The following CFAP299 variants were observed in gnomAD, a reference collection of about 807,000 sequenced individuals.
CFAP299 encodes the protein cilia and flagella associated protein 299, also known as cilia- and flagella-associated protein 299.
Under a neutral mutation model 27.0 loss-of-function variants are expected in CFAP299, and 21 were observed. That is an observed-to-expected ratio of 0.78 (90% CI 0.55 to 1.12). The LOEUF (loss-of-function observed/expected upper bound fraction) is 1.12, where lower values mean the gene tolerates loss of function less well. Among genes scored for constraint, CFAP299 ranks in the 50% most tolerant of loss-of-function variants. The pLI is 0.00. For missense variants in CFAP299, 310 were observed against 276.6 expected, an observed-to-expected ratio of 1.12 and a Z score of -0.86; for synonymous variants, 104 against 98.1, an observed-to-expected ratio of 1.06 and a Z score of -0.36.
At chr4:80,353,550 T>G (rs1723112309) in intron 1 of CFAP299, among the ~76,000 whole-genome samples, 2 of 152,238 alleles carry the variant, frequency 1.3e-5, no homozygotes. Flanking sequence ...AAGATGGCAT[T>G]TGAGTATGCC....
At chr4:80,811,694 C>A (rs1729161747) in intron 3 of CFAP299, among the ~76,000 whole-genome samples, 1 of 152,066 alleles carries the variant, frequency 6.6e-6, no homozygotes, top group Admixed American at 6.6e-5. Flanking sequence ...TGAGAAGCTG[C>A]ATTGCTGGAG....
intron 3 of CFAP299, among the ~76,000 whole-genome samples, chr4:80,584,876 G>A (rs576435885): frequency 2.0e-5 from 3 of 152,140 alleles, no homozygotes; most frequent in Admixed American, 2.0e-4. Flanking sequence ...TGCTTATGGA[G>A]CTTACAGTTG....
At chr4:80,893,584 T>G (rs912500745) in intron 4 of CFAP299, among the ~76,000 whole-genome samples, 17 of 151,832 alleles carry the variant, frequency 1.1e-4, no homozygotes, top group Non-Finnish European at 2.4e-4. Context: ...CAATTGATCT[T>G]CAACAAATGT....
intron 2 of CFAP299, among the ~76,000 whole-genome samples, chr4:80,456,270 C>A (rs752474779): frequency 4.6e-5 from 7 of 152,136 alleles, no homozygotes; most frequent in Middle Eastern, 3.4e-3. Flanking sequence ...ATGTACCTTT[C>A]ACTTTTGAGA....
intron 4 of CFAP299, among the ~76,000 whole-genome samples, chr4:80,879,045 T>G (rs1246757841): frequency 1.3e-5 from 2 of 152,130 alleles, no homozygotes; most frequent in Non-Finnish European, 2.9e-5. Context: ...CTGTATCATT[T>G]GGGTTAATAA....
chr4:80,770,223 A>G (rs931423507), intron 3 of CFAP299, among the ~76,000 whole-genome samples: 6 of 152,314 alleles, frequency 3.9e-5, no homozygotes, highest in African/African-American at 1.2e-4. Flanking sequence ...GACAAAAGTC[A>G]TATCCATAAA....
intron 3 of CFAP299, among the ~76,000 whole-genome samples, chr4:80,840,170 T>A (rs1429887394): frequency 6.6e-6 from 1 of 152,142 alleles, no homozygotes; most frequent in Admixed American, 6.6e-5. Flanking sequence ...ATTTGAGTGA[T>A]CCACATTCAA....
chr4:80,457,058 T>A (rs942114415), intron 2 of CFAP299, among the ~76,000 whole-genome samples: 1 of 151,714 alleles, frequency 6.6e-6, no homozygotes, highest in Non-Finnish European at 1.5e-5. Context: ...AAAGAGACCA[T>A]GAGAACATGT....
chr4:80,473,247 C>T (rs575624135), intron 2 of CFAP299, among the ~76,000 whole-genome samples: 1 of 152,092 alleles, frequency 6.6e-6, no homozygotes, highest in Admixed American at 6.5e-5. Flanking sequence ...AGATGAGTAG[C>T]GATCAGCCAG....
chr4:80,610,812 C>G (rs770470311), intron 3 of CFAP299, among the ~76,000 whole-genome samples: 11 of 151,920 alleles, frequency 7.2e-5, no homozygotes, highest in Non-Finnish European at 1.3e-4. Context: ...TATCAGCCCT[C>G]CAACTTAGTT....
intron 3 of CFAP299, among the ~76,000 whole-genome samples, chr4:80,609,048 C>G (rs2109914219): frequency 6.6e-6 from 1 of 152,046 alleles, no homozygotes; most frequent in African/African-American, 2.4e-5. Context: ...GTGTTTGAGA[C>G]TGTTAAGTCA....
chr4:80,529,233 G>A (rs547212590), intron 2 of CFAP299, among the ~76,000 whole-genome samples: 1 of 150,890 alleles, frequency 6.6e-6, no homozygotes, highest in Non-Finnish European at 1.5e-5. Context: ...CCTTTCCATG[G>A]TTTTTTTTTC....
rs184030162 is a variant in CFAP299 at position 80,865,672 on chromosome 4, T to C, written c.334-4321T>C. On this transcript the variant is annotated intron_variant, in intron 3 of 5. Coordinates refer to ENST00000358105, the MANE Select transcript of CFAP299 (RefSeq NM_152770.3). Reference sequence around the variant, plus strand: ...TTTTAAAAATTTCACTAAAAAGTCTTCTTAAAAATCTTCCCAAGTCTTTGT... The same window carrying C: ...TTTTAAAAATTTCACTAAAAAGTCTCCTTAAAAATCTTCCCAAGTCTTTGT... Among the ~76,000 whole-genome samples, 3 of 152,178 alleles carry C rather than the reference T, an allele frequency of 2.0e-5. 1 individual carries two copies. Among genetic ancestry groups the C allele is most frequent in the East Asian group, 3.9e-4 (2 of 5,170 alleles).
intron 3 of CFAP299, among the ~76,000 whole-genome samples, chr4:80,860,552 G>T (rs1039887862): frequency 1.2e-4 from 19 of 152,022 alleles, no homozygotes; most frequent in African/African-American, 4.1e-4. Context: ...TCTACTTTTG[G>T]TCTTTGATGA....
chr4:80,587,809 C>T (rs1396995450), intron 3 of CFAP299, among the ~76,000 whole-genome samples: 2 of 152,154 alleles, frequency 1.3e-5, no homozygotes, highest in African/African-American at 4.8e-5. Context: ...CCAGGCTAGT[C>T]TTGAACACCT....
intron 3 of CFAP299, among the ~76,000 whole-genome samples, chr4:80,656,606 T>G (rs953708510): frequency 1.3e-5 from 2 of 152,244 alleles, no homozygotes; most frequent in African/African-American, 4.8e-5. Flanking sequence ...GTACCACGTT[T>G]TCTTTATCCG....
intron 3 of CFAP299, among the ~76,000 whole-genome samples, chr4:80,638,281 A>C (rs1030192318): frequency 6.6e-6 from 1 of 152,154 alleles, no homozygotes; most frequent in Non-Finnish European, 1.5e-5. Flanking sequence ...TGTGGAAGGG[A>C]GCTAATTTAT....
chr4:80,384,848 C>A (rs1724886325), intron 2 of CFAP299, among the ~76,000 whole-genome samples: 1 of 152,086 alleles, frequency 6.6e-6, no homozygotes, highest in Non-Finnish European at 1.5e-5. Flanking sequence ...TACCATGAGT[C>A]CCTGCTAGGT....
intron 3 of CFAP299, among the ~76,000 whole-genome samples, chr4:80,738,931 G>T (rs1007216306): frequency 4.6e-5 from 7 of 151,498 alleles, no homozygotes; most frequent in African/African-American, 1.7e-4. Context: ...TTGGTTTGAG[G>T]TTACCATGAG....
Sources: allele counts gnomAD v4.1 joint callset (sites outside exome capture counted in the v4.1 genomes callset), GRCh38; gene constraint gnomAD v4.1.1; transcripts MANE v1.5; gene names NCBI Gene and HGNC (gene_info 2026-07-23, HGNC 2026-07-21).